Variants in CDH23 observed in about 807,000 individuals in gnomAD.
CDH23 encodes cadherin-23.
CDH23 carries 189 observed loss-of-function variants against 317.1 expected under a neutral mutation model. The ratio of observed to expected loss-of-function variants is 0.60; its 90% confidence interval spans 0.53 to 0.67. CDH23 has a LOEUF of 0.67. CDH23 is among the 30% of genes least tolerant of loss of function. The pLI, the probability that CDH23 is intolerant of heterozygous loss-of-function variation, is 0.00. For missense variants in CDH23, 4,401 were observed against 4,592.4 expected (o/e 0.96, Z 1.20); for synonymous variants, 1,839 against 1,876.8 (o/e 0.98, Z 0.52).
chr10:71,772,456 G>C (rs74561595), intron 38 of CDH23, among the ~76,000 whole-genome samples: 1,828 of 152,340 alleles, frequency 0.012, 39 homozygotes, highest in African/African-American at 0.042. Context: ...CTTCAGCTCT[G>C]GGCAGGCAAG....
chr10:71,706,840 G>A, intron 25 of CDH23, 57 bp from the exon 26 acceptor site: 1 of 1,538,456 alleles, frequency 6.5e-7, no homozygotes, highest in East Asian at 2.4e-5. Flanking sequence ...CTGCTCTGGA[G>A]CTGGGTCTTC....
chr10:71,569,795 A>C (rs889722130), intron 7 of CDH23, among the ~76,000 whole-genome samples: 9 of 152,230 alleles, frequency 5.9e-5, no homozygotes, highest in African/African-American at 2.2e-4. Context: ...AAAGCACTGC[A>C]GTTACTATTA....
intron 16 of CDH23, 50 bp from the exon 17 acceptor site, chr10:71,679,337 C>A (rs777354174): frequency 2.7e-6 from 3 of 1,124,860 alleles, no homozygotes; most frequent in Non-Finnish European, 4.0e-6. Context: ...CCTCTTCTGG[C>A]CCCCAGTCTC....
intron 3 of CDH23, among the ~76,000 whole-genome samples, chr10:71,506,240 A>G (rs1853628781): frequency 6.6e-6 from 1 of 151,978 alleles, no homozygotes; most frequent in African/African-American, 2.4e-5. Context: ...GAAGGGATTC[A>G]TGGGGAGTGA....
intron 1 of CDH23, among the ~76,000 whole-genome samples, chr10:71,425,546 G>T (rs1849038036): frequency 6.6e-6 from 1 of 152,330 alleles, no homozygotes; most frequent in East Asian, 1.9e-4. Flanking sequence ...CCGCCCATCT[G>T]CAGGACAGTG....
chr10:71,484,512 G>A (rs1852238890), intron 3 of CDH23, among the ~76,000 whole-genome samples: 1 of 152,184 alleles, frequency 6.6e-6, no homozygotes, highest in Admixed American at 6.5e-5. Context: ...CTGGGCCCCG[G>A]CGTTTGTGTG....
intron 22 of CDH23, 105 bp from the exon 23 acceptor site, chr10:71,701,917 T>A (rs144233786): frequency 8.3e-7 from 1 of 1,201,186 alleles, no homozygotes; most frequent in African/African-American, 1.5e-5. Context: ...AGAGCCAGGA[T>A]GTCCCCTCCC....
chr10:71,636,923 G>T (rs537479217), intron 11 of CDH23, among the ~76,000 whole-genome samples: 1 of 152,288 alleles, frequency 6.6e-6, no homozygotes, highest in South Asian at 2.1e-4. Context: ...AGGGGTTGAG[G>T]TGGAGTCAGA....
At chr10:71,449,673 G>T (rs1202555434) in intron 3 of CDH23, among the ~76,000 whole-genome samples, 3 of 152,072 alleles carry the variant, frequency 2.0e-5, no homozygotes, top group Non-Finnish European at 4.4e-5. Flanking sequence ...GGTAGAGTTG[G>T]GCTACAGGGT....
At chr10:71,419,557 A>T (rs1848661423) in intron 1 of CDH23, among the ~76,000 whole-genome samples, 1 of 152,146 alleles carries the variant, frequency 6.6e-6, no homozygotes, top group Admixed American at 6.5e-5. Context: ...TCCCCCTAAC[A>T]TTTTAATTAA....
At chr10:71,485,717 G>T (rs921984768) in intron 3 of CDH23, among the ~76,000 whole-genome samples, 1 of 152,242 alleles carries the variant, frequency 6.6e-6, no homozygotes, top group Non-Finnish European at 1.5e-5. Flanking sequence ...GCAGTGTGGG[G>T]TGGGATGGGC....
chr10:71,745,787 C>T (rs899447618), intron 38 of CDH23, among the ~76,000 whole-genome samples: 7 of 152,232 alleles, frequency 4.6e-5, no homozygotes, highest in African/African-American at 7.2e-5. Context: ...CCTCCTAGAG[C>T]AACCAGAGAC....
chr10:71,425,228 AGAGG>A (rs766794846), intron 1 of CDH23, among the ~76,000 whole-genome samples: 4,716 of 37,524 alleles, frequency 0.13, 592 homozygotes, highest in East Asian at 0.32. Flanking sequence ...GCAGAGAGAG[AGAGG>A]GAGAGAGAGA....
At chr10:71,539,669 C>T (rs1855886205) in intron 6 of CDH23, among the ~76,000 whole-genome samples, 1 of 152,102 alleles carries the variant, frequency 6.6e-6, no homozygotes, top group Non-Finnish European at 1.5e-5. Context: ...CTCTCCCTCT[C>T]CTGCCTTCCC....
intron 49 of CDH23, 109 bp from the exon 50 acceptor site, chr10:71,798,245 G>T (rs1564799319): frequency 2.3e-5 from 18 of 766,258 alleles, no homozygotes; most frequent in Non-Finnish European, 3.8e-5. Flanking sequence ...AGCCTCTGGG[G>T]GGCTGTGGGA....
intron 55 of CDH23, among the ~76,000 whole-genome samples, chr10:71,805,239 G>T (rs1487293158): frequency 6.6e-6 from 1 of 152,206 alleles, no homozygotes; most frequent in Non-Finnish European, 1.5e-5. Context: ...TCAGGGAAGT[G>T]AGGTGGCAAG....
At chr10:71,523,726 A>G (rs914831993) in intron 6 of CDH23, among the ~76,000 whole-genome samples, 9 of 152,166 alleles carry the variant, frequency 5.9e-5, no homozygotes, top group Admixed American at 2.0e-4. Flanking sequence ...TGTATTCTCC[A>G]TCCATCCATC....
In CDH23 at chr10:71,428,473, T is replaced by C. The variant is rs1849217989; in HGVS notation, c.-5-11354T>C. On this transcript the variant is annotated intron_variant, in intron 1 of 69. Transcript: ENST00000224721. ...GTTTTATGTGTGTGTGTGTGTGTTA[T>C]AATAGCCATTTTAGTGAGTATGAAC... Among the ~76,000 whole-genome samples the C allele has an allele frequency of 1.1e-4, 16 of 149,764 alleles. No individual in the cohort carries two copies. The South Asian group carries it at 3.4e-3, about 32-fold the overall frequency.
At chr10:71,541,046 C>T (rs1405424631) in intron 6 of CDH23, among the ~76,000 whole-genome samples, 3 of 152,086 alleles carry the variant, frequency 2.0e-5, no homozygotes, top group Non-Finnish European at 2.9e-5. Context: ...GCAAGCCCAG[C>T]GTCCCTTGCA....
Sources: gnomAD v4.1 joint callset for allele counts (sites outside exome capture counted in the v4.1 genomes callset) on GRCh38, gnomAD v4.1.1 for gene constraint, MANE v1.5 for transcripts, NCBI Gene and HGNC (gene_info 2026-07-23, HGNC 2026-07-21) for gene names.